CYP2C19: variants seen among roughly 807,000 people sequenced by gnomAD.
CYP2C19 encodes the protein cytochrome P450 2C19.
In CYP2C19, 59 loss-of-function variants were observed where a neutral mutation model predicts 40.9. The observed-to-expected ratio is 1.44, with a 90% CI of 1.17 to 1.79. CYP2C19 has a LOEUF of 1.79. Among genes scored for constraint, CYP2C19 ranks in the 40% most tolerant of loss-of-function variants. The probability of loss-of-function intolerance (pLI) is 0.00; values close to 1 mark genes in which losing one functional copy is unlikely to be tolerated. For synonymous variants in CYP2C19, 253 were observed against 208.7 expected (o/e 1.21, Z -1.83); for missense variants, 754 against 596.9 (o/e 1.26, Z -2.74).
chr10:94,812,431 A>T (rs996390632), intron 5 of CYP2C19, among the ~76,000 whole-genome samples: 6 of 151,592 alleles, frequency 4.0e-5, no homozygotes, highest in Non-Finnish European at 7.4e-5. Context: ...GTCTTGCTAG[A>T]TTGTGGAAGT....
chr10:94,801,097 G>C (rs562802374), intron 5 of CYP2C19, among the ~76,000 whole-genome samples: 1 of 152,148 alleles, frequency 6.6e-6, no homozygotes. Context: ...CTTGTCTTCT[G>C]CCTCAATCAT....
chr10:94,831,907 A>G (rs1037337542), intron 6 of CYP2C19, among the ~76,000 whole-genome samples: 2 of 152,008 alleles, frequency 1.3e-5, no homozygotes, highest in African/African-American at 4.8e-5. Flanking sequence ...TTTTAACTTG[A>G]TATGATCCCA....
At chr10:94,784,344 T>A (rs1417688633) in intron 5 of CYP2C19, among the ~76,000 whole-genome samples, 1 of 152,142 alleles carries the variant, frequency 6.6e-6, no homozygotes, top group Non-Finnish European at 1.5e-5. Context: ...TTATAGATAA[T>A]CTTTCTTTAA....
intron 5 of CYP2C19, among the ~76,000 whole-genome samples, chr10:94,820,287 C>T (rs1489836223): frequency 6.6e-6 from 1 of 151,992 alleles, no homozygotes; most frequent in Non-Finnish European, 1.5e-5. Flanking sequence ...CAATATCATA[C>T]TGAATGGGCA....
chr10:94,762,945 C>T, intron 1 of CYP2C19, 72 bp downstream of exon 1: 5 of 1,437,998 alleles, frequency 3.5e-6, no homozygotes. Flanking sequence ...AAGTATATCC[C>T]TAGAGGTACA....
Position 94,852,743 on chromosome 10 carries a change from T to G in CYP2C19, c.1302T>G (p.Ile434Met), listed in dbSNP as rs1200149422. The change falls in exon 9 of 9, where the codon ATT (isoleucine) becomes ATG (methionine). Residue 434 changes from isoleucine to methionine, a missense_variant. Coordinates refer to ENST00000371321, the MANE Select transcript of CYP2C19 (RefSeq NM_000769.4). ...YFMPFSAGKR[I>M]CVGEGLARME... Reference sequence around the variant, plus strand: ...GTTTGTTATTTTCAGGAAAACGGATTTGTGTGGGAGAGGGCCTGGCCCGCA... The same window carrying G: ...GTTTGTTATTTTCAGGAAAACGGATGTGTGTGGGAGAGGGCCTGGCCCGCA... The G allele has an allele frequency of 6.2e-7, 1 of 1,613,892 alleles. No homozygotes were observed. Among genetic ancestry groups the G allele is most frequent in the Non-Finnish European group, 8.5e-7 (1 of 1,179,898 alleles).
intron 5 of CYP2C19, among the ~76,000 whole-genome samples, chr10:94,817,809 C>G (rs1012907518): frequency 6.6e-6 from 1 of 151,942 alleles, no homozygotes; most frequent in Non-Finnish European, 1.5e-5. Context: ...GTCAGGAGAT[C>G]GAGACCATCC....
intron 7 of CYP2C19, among the ~76,000 whole-genome samples, chr10:94,848,315 C>G (rs1360264569): frequency 6.6e-6 from 1 of 152,198 alleles, no homozygotes; most frequent in Non-Finnish European, 1.5e-5. Context: ...GTTTTCCCAG[C>G]ACCATTTATT....
At chr10:94,820,693 T>A (rs1849104043) in intron 6 of CYP2C19, 56 bp downstream of exon 6, 1 of 1,603,820 alleles carries the variant, frequency 6.2e-7, no homozygotes, top group Admixed American at 1.7e-5. Context: ...GGGAAGGTGC[T>A]GCTAGTGTTC....
intron 1 of CYP2C19, among the ~76,000 whole-genome samples, chr10:94,764,494 G>A (rs1440269847): frequency 6.6e-6 from 1 of 152,088 alleles, no homozygotes; most frequent in African/African-American, 2.4e-5. Flanking sequence ...GTCCCTACCT[G>A]ACCCAGAAGC....
intron 6 of CYP2C19, among the ~76,000 whole-genome samples, chr10:94,828,919 A>G (rs569738991): frequency 6.6e-6 from 1 of 151,974 alleles, no homozygotes; most frequent in East Asian, 1.9e-4. Flanking sequence ...TCCTTCACTT[A>G]TGAAGCTTAG....
At chr10:94,849,888 C>G (rs754170680) in intron 7 of CYP2C19, 29 bp from the exon 8 acceptor site, 2 of 1,613,026 alleles carry the variant, frequency 1.2e-6, no homozygotes, top group African/African-American at 1.3e-5. Flanking sequence ...TTCTTTACAG[C>G]TCAGTTCACC....
In CYP2C19 at chr10:94,842,988, C is replaced by T. The variant is rs267602636; in HGVS notation, c.1113C>T (p.Thr371=). The T allele has an allele frequency of 1.2e-6, 2 of 1,614,212 alleles. No homozygotes were observed. ...LIPTSLPHAV[T]CDVKFRNYLI... Reference sequence around the variant, plus strand: ...CCACCAGCCTGCCCCATGCAGTGACCTGTGACGTTAAATTCAGAAACTACC... The same window carrying T: ...CCACCAGCCTGCCCCATGCAGTGACTTGTGACGTTAAATTCAGAAACTACC... Residue 371 remains threonine, a synonymous_variant, in exon 7 of 9, where the codon ACC becomes ACT. Coordinates refer to ENST00000371321, the MANE Select transcript of CYP2C19 (RefSeq NM_000769.4).
At chr10:94,810,636 T>C (rs1263612352) in intron 5 of CYP2C19, among the ~76,000 whole-genome samples, 3 of 152,188 alleles carry the variant, frequency 2.0e-5, no homozygotes, top group Admixed American at 2.0e-4. Context: ...TGTCTAGAAA[T>C]TTATCCATTT....
chr10:94,774,735 GTGGGAC>G, intron 1 of CYP2C19: 1 of 300,204 alleles, frequency 3.3e-6, no homozygotes, highest in Non-Finnish European at 6.2e-6. Context: ...TATATTAGCT[GTGGGAC>G]ACTGAAAATG....
intron 5 of CYP2C19, among the ~76,000 whole-genome samples, chr10:94,813,546 C>T (rs1405161141): frequency 6.6e-6 from 1 of 151,946 alleles, no homozygotes; most frequent in Non-Finnish European, 1.5e-5. Flanking sequence ...TGGACTCCAC[C>T]TAGTCCTAGC....
At chr10:94,776,264 T>G (rs1156771133) in intron 3 of CYP2C19, 1 of 152,202 alleles carries the variant, frequency 6.6e-6, no homozygotes, top group African/African-American at 2.4e-5. Flanking sequence ...TAGATTTTAA[T>G]TATTAGTAAT....
rs1248076513 is a variant in CYP2C19, at chr10:94,853,146, C to A, written c.*232C>A. On this transcript the variant is annotated 3_prime_UTR_variant, in exon 9 of 9. Transcript: ENST00000371321. ...AGTGCCACATAATGCTGATACTTGTCTAATGTTGAGTTATTAACATATTAT... is the reference window on the plus strand; with the variant it reads ...AGTGCCACATAATGCTGATACTTGTATAATGTTGAGTTATTAACATATTAT... 1 of 534,420 alleles carries A rather than the reference C, an allele frequency of 1.9e-6. No homozygotes were observed. Among genetic ancestry groups the A allele is most frequent in the Non-Finnish European group, 3.3e-6 (1 of 305,024 alleles). The allele number at this position is 534,420 out of a possible 1,614,324, so 33.1% of individuals were successfully genotyped here. A position where few individuals can be genotyped will look rare whatever the true frequency, so the allele number is the denominator to read the frequency against.
chr10:94,795,935 C>T (rs550084092), intron 5 of CYP2C19, among the ~76,000 whole-genome samples: 9 of 152,094 alleles, frequency 5.9e-5, no homozygotes, highest in African/African-American at 1.4e-4. Flanking sequence ...AAATTTTCTC[C>T]CATTCTGTAG....
Sources: allele counts gnomAD v4.1 joint callset (sites outside exome capture counted in the v4.1 genomes callset), GRCh38; gene constraint gnomAD v4.1.1; transcripts MANE v1.5; gene names NCBI Gene and HGNC (gene_info 2026-07-23, HGNC 2026-07-21).